UTRN: variants seen among roughly 807,000 people sequenced by gnomAD.
UTRN encodes utrophin.
UTRN carries 283 observed loss-of-function variants against 463.9 expected under a neutral mutation model. The ratio of observed to expected loss-of-function variants is 0.61; its 90% confidence interval spans 0.55 to 0.67. The LOEUF (loss-of-function observed/expected upper bound fraction) is 0.67. Among genes scored for constraint, UTRN ranks in the 30% least tolerant of loss-of-function variants. The probability of loss-of-function intolerance (pLI) is 0.00; values close to 1 mark genes in which losing one functional copy is unlikely to be tolerated. For missense variants in UTRN, 3,922 were observed against 4,084.3 expected (o/e 0.96, Z 1.08); for synonymous variants, 1,442 against 1,431.5 (o/e 1.01, Z -0.17).
intron 65 of UTRN, among the ~76,000 whole-genome samples, chr6:144,811,251 G>A (rs1326800609): frequency 6.6e-6 from 1 of 152,156 alleles, no homozygotes; most frequent in East Asian, 1.9e-4. Flanking sequence ...TACTTCGTAA[G>A]ACTATAAAAA....
chr6:144,757,853 TGTTCA>T, intron 57 of UTRN, 71 bp from the exon 58 acceptor site: 3 of 1,325,344 alleles, frequency 2.3e-6, no homozygotes, highest in Non-Finnish European at 3.2e-6. Flanking sequence ...TGCTATAAAA[TGTTCA>T]GTTGTTTTGC....
At chr6:144,603,152 AT>A (rs1804445220) in intron 51 of UTRN, among the ~76,000 whole-genome samples, 1 of 152,082 alleles carries the variant, frequency 6.6e-6, no homozygotes, top group Non-Finnish European at 1.5e-5. Context: ...TAACTATTTT[AT>A]GTCATATTTT....
At chr6:144,453,669 CT>C in intron 18 of UTRN, 112 bp from the exon 19 acceptor site, 1 of 827,378 alleles carries the variant, frequency 1.2e-6, no homozygotes. Flanking sequence ...TTGAATTTAC[CT>C]TTTCAGATTT....
rs1010049028 is a variant in UTRN, at chr6:144,690,075, T to A, written c.7653-10012T>A. On this transcript the variant is annotated intron_variant, in intron 52 of 74. Transcript: ENST00000367545. ...GCCATAGAGCTCCCAAAAGTTTCTG[T>A]TTTTTTTTTTTTTTTTTTTTTGTGT... 6.7e-4 allele frequency among the ~76,000 whole-genome samples: 14 copies of A among 20,804 alleles called. 1 individual carries two copies. Among genetic ancestry groups the A allele is most frequent in the African/African-American group, 2.2e-3 (9 of 4,120 alleles). The allele number at this position is 20,804 out of a possible 152,430, so 13.6% of individuals were successfully genotyped here. A position where few individuals can be genotyped will look rare whatever the true frequency, so the allele number is the denominator to read the frequency against.
At chr6:144,564,333 G>A (rs533245444) in intron 50 of UTRN, among the ~76,000 whole-genome samples, 5 of 152,118 alleles carry the variant, frequency 3.3e-5, no homozygotes, top group African/African-American at 9.7e-5. Flanking sequence ...ACCATCTGAA[G>A]AAAATTACAG....
At chr6:144,545,565 C>T (rs1411316222) in intron 46 of UTRN, among the ~76,000 whole-genome samples, 1 of 152,194 alleles carries the variant, frequency 6.6e-6, no homozygotes, top group African/African-American at 2.4e-5. Flanking sequence ...AAATGTTCTT[C>T]TCTTAGATAT....
chr6:144,718,928 G>A (rs1786797947), intron 53 of UTRN, among the ~76,000 whole-genome samples: 1 of 152,188 alleles, frequency 6.6e-6, no homozygotes, highest in South Asian at 2.1e-4. Context: ...TCCCTGAAGG[G>A]TCAAAAGGGG....
At chr6:144,306,512 T>C (rs190505827) in intron 2 of UTRN, among the ~76,000 whole-genome samples, 1 of 152,262 alleles carries the variant, frequency 6.6e-6, no homozygotes, top group Admixed American at 6.5e-5. Flanking sequence ...GCCTGGTTTT[T>C]GACTTTAACA....
At chr6:144,666,691 G>C (rs1463415423) in intron 51 of UTRN, among the ~76,000 whole-genome samples, 70 of 152,128 alleles carry the variant, frequency 4.6e-4, no homozygotes, top group Admixed American at 4.6e-3. Flanking sequence ...CTTGTGGTTT[G>C]ATTTTCTTCC....
chr6:144,799,411 C>G (rs1391117065), intron 64 of UTRN: 1 of 471,054 alleles, frequency 2.1e-6, no homozygotes, highest in South Asian at 1.6e-5. Flanking sequence ...GCCTGGCAGA[C>G]AGCTAGGGTA....
intron 24 of UTRN, 130 bp from the exon 25 acceptor site, chr6:144,474,474 A>T: frequency 1.1e-6 from 1 of 939,198 alleles, no homozygotes; most frequent in Non-Finnish European, 1.5e-6. Flanking sequence ...AATATTTCTT[A>T]AGTAGTTAGA....
At position 144,288,753 on chromosome 6, in the gene UTRN, TCTC is replaced by T. The variant is rs1426854184; in HGVS notation, c.-93+2933_-93+2935del. Among the ~76,000 whole-genome samples, 297 of 148,416 alleles carry T rather than the reference TCTC, an allele frequency of 2.0e-3. 3 individuals are homozygous for T. The highest frequency in any genetic ancestry group is 6.6e-3 in the African/African-American group (269 of 40,468). On this transcript the variant is annotated intron_variant, in intron 1 of 74. Coordinates refer to ENST00000367545, the MANE Select transcript of UTRN (RefSeq NM_007124.3). ...TCCTTTATATCCAACTCTCTCTCTC[TCTC>T]TTTTTTTTTTTTTTTTTTTTGAGAT...
chr6:144,294,151 A>C (rs1184309537), intron 2 of UTRN, among the ~76,000 whole-genome samples: 1 of 152,134 alleles, frequency 6.6e-6, no homozygotes, highest in African/African-American at 2.4e-5. Context: ...CAAATTGCTT[A>C]GAGTGTTTAG....
Position 144,827,669 on chromosome 6 carries a change from G to A in UTRN, c.9592G>A (p.Ala3198Thr). The change falls in exon 68 of 75, where the codon GCC (alanine) becomes ACC (threonine). Residue 3198 changes from alanine (A) to threonine (T), a missense_variant. Coordinates refer to ENST00000367545, the MANE Select transcript of UTRN (RefSeq NM_007124.3). The stretch of plus-strand genomic sequence containing the variant: ...CACCCATTCAAGAATAGAACAATAT[G>A]CCACACGGTAAGAAACTTTGATCAG... ...DDTHSRIEQYATRLAQMERTN... is the reference protein window; with the variant it reads ...DDTHSRIEQYTTRLAQMERTN... 6.2e-7 allele frequency: 1 copy of A among 1,613,426 alleles called. No individual in the cohort carries two copies. The highest frequency in any genetic ancestry group is 8.5e-7 in the Non-Finnish European group (1 of 1,179,648).
At chr6:144,846,737 G>A in intron 73 of UTRN, 68 bp from the exon 74 acceptor site, 1 of 1,607,002 alleles carries the variant, frequency 6.2e-7, no homozygotes, top group Non-Finnish European at 8.5e-7. Flanking sequence ...GCATTTGCAT[G>A]CCTGAGAGTT....
chr6:144,553,549 C>G (rs1048902727), intron 48 of UTRN, among the ~76,000 whole-genome samples: 1 of 152,106 alleles, frequency 6.6e-6, no homozygotes, highest in African/African-American at 2.4e-5. Flanking sequence ...CAGGTTCTTG[C>G]GGATATTCTA....
chr6:144,700,666 C>G (rs1176318717), intron 53 of UTRN, among the ~76,000 whole-genome samples: 4 of 151,974 alleles, frequency 2.6e-5, no homozygotes, highest in Admixed American at 2.6e-4. Flanking sequence ...TTCCTGGGTT[C>G]AAGCGATTCT....
At chr6:144,527,647 A>G (rs1376801357) in intron 41 of UTRN, among the ~76,000 whole-genome samples, 11 of 152,216 alleles carry the variant, frequency 7.2e-5, no homozygotes, top group African/African-American at 2.7e-4. Flanking sequence ...TTGGTCTTTT[A>G]ACATATTCCC....
At chr6:144,776,572 G>A (rs1775345314) in intron 60 of UTRN, among the ~76,000 whole-genome samples, 1 of 152,118 alleles carries the variant, frequency 6.6e-6, no homozygotes, top group South Asian at 2.1e-4. Context: ...TGGACCCAAT[G>A]CCCTGCTTAC....
Sources: gnomAD v4.1 joint callset for allele counts (sites outside exome capture counted in the v4.1 genomes callset) on GRCh38, gnomAD v4.1.1 for gene constraint, MANE v1.5 for transcripts, NCBI Gene and HGNC (gene_info 2026-07-23, HGNC 2026-07-21) for gene names.